Variants in SLC35F1 observed in about 807,000 individuals in gnomAD.
SLC35F1 encodes the protein solute carrier family 35 member F1.
A neutral mutation model predicts 48.7 loss-of-function variants in SLC35F1; 14 were observed. The observed-to-expected ratio is 0.29, with a 90% CI of 0.19 to 0.45. The LOEUF (loss-of-function observed/expected upper bound fraction) is 0.45. SLC35F1 is among the 20% of genes least tolerant of loss of function. The probability of loss-of-function intolerance (pLI) is 1.00; values close to 1 mark genes in which losing one functional copy is unlikely to be tolerated. For synonymous variants in SLC35F1, 190 were observed against 202.2 expected, an observed-to-expected ratio of 0.94 and a Z score of 0.51; for missense variants, 404 against 500.0, an observed-to-expected ratio of 0.81 and a Z score of 1.83.
intron 1 of SLC35F1, among the ~76,000 whole-genome samples, chr6:118,070,646 G>A (rs1024874769): frequency 6.6e-6 from 1 of 151,414 alleles, no homozygotes; most frequent in Non-Finnish European, 1.5e-5. Flanking sequence ...GTTTCTTCTT[G>A]TAGTTACCAG....
intron 1 of SLC35F1, among the ~76,000 whole-genome samples, chr6:118,068,808 A>G (rs187797224): frequency 2.0e-4 from 31 of 152,346 alleles, no homozygotes; most frequent in African/African-American, 7.0e-4. Context: ...GATTGCAGAC[A>G]TCACTTTTTC....
At chr6:118,152,735 A>G (rs1774081054) in intron 1 of SLC35F1, among the ~76,000 whole-genome samples, 3 of 152,172 alleles carry the variant, frequency 2.0e-5, no homozygotes, top group Non-Finnish European at 2.9e-5. Context: ...GCAAGTCACA[A>G]GACCAGCCCA....
chr6:118,183,291 T>C (rs1774609205), intron 2 of SLC35F1, among the ~76,000 whole-genome samples: 1 of 152,072 alleles, frequency 6.6e-6, no homozygotes, highest in Admixed American at 6.6e-5. Flanking sequence ...TAGAGGTGAG[T>C]TCCACCTGGA....
intron 2 of SLC35F1, among the ~76,000 whole-genome samples, chr6:118,200,220 G>A (rs1774856391): frequency 6.6e-6 from 1 of 151,892 alleles, no homozygotes; most frequent in Non-Finnish European, 1.5e-5. Flanking sequence ...AACCAGAGCT[G>A]GACAGTAGTT....
chr6:117,927,102 A>G (rs1463893244), intron 1 of SLC35F1, among the ~76,000 whole-genome samples: 1 of 152,202 alleles, frequency 6.6e-6, no homozygotes, highest in Non-Finnish European at 1.5e-5. Context: ...AAATTCAGTA[A>G]GAGTACCTAC....
At chr6:117,950,114 T>C (rs1342752215) in intron 1 of SLC35F1, among the ~76,000 whole-genome samples, 2 of 152,178 alleles carry the variant, frequency 1.3e-5, no homozygotes, top group African/African-American at 4.8e-5. Flanking sequence ...CTTTGGGGTG[T>C]TGTTTCTGGC....
intron 1 of SLC35F1, among the ~76,000 whole-genome samples, chr6:117,964,046 C>T (rs1427303248): frequency 6.6e-6 from 1 of 152,216 alleles, no homozygotes; most frequent in Non-Finnish European, 1.5e-5. Flanking sequence ...CATTGTTCAG[C>T]TCCCACTTAC....
intron 7 of SLC35F1, among the ~76,000 whole-genome samples, chr6:118,286,829 C>G (rs1204633173): frequency 1.8e-4 from 27 of 149,266 alleles, no homozygotes; most frequent in Admixed American, 1.8e-3. Context: ...GGTGAGAATA[C>G]TTAAGATCTA....
At chr6:118,057,362 C>A (rs1019443143) in intron 1 of SLC35F1, among the ~76,000 whole-genome samples, 1 of 152,056 alleles carries the variant, frequency 6.6e-6, no homozygotes, top group Non-Finnish European at 1.5e-5. Flanking sequence ...TCTGCCAATC[C>A]CAGTCCCAGA....
Position 117,907,770 on chromosome 6 carries a change from C to T in SLC35F1, c.44C>T (p.Ser15Leu), listed in dbSNP as rs949586549. 17 of 1,559,702 alleles carry T rather than the reference C, an allele frequency of 1.1e-5. No individual in the cohort carries two copies. The highest frequency in any genetic ancestry group is 1.5e-5 in the Non-Finnish European group (17 of 1,162,396). Reference protein sequence around the residue: ...EQPQQQLQPPSPAPPNHVVTT... With the variant: ...EQPQQQLQPPLPAPPNHVVTT... ...CCGCAGCAGCAGCTGCAGCCGCCGT[C>T]GCCAGCCCCGCCGAACCATGTGGTG... The change falls in exon 1 of 8, where the codon TCG becomes TTG. Residue 15 changes from serine (S) to leucine (L), a missense_variant. By Grantham distance (145) the Ser-to-Leu change is moderately radical. Coordinates refer to ENST00000360388, the MANE Select transcript of SLC35F1 (RefSeq NM_001029858.4).
At chr6:118,004,781 T>G (rs536591207) in intron 1 of SLC35F1, among the ~76,000 whole-genome samples, 1 of 152,114 alleles carries the variant, frequency 6.6e-6, no homozygotes, top group Non-Finnish European at 1.5e-5. Context: ...TGGGCTGGCC[T>G]CAAGTGATCC....
At chr6:118,007,630 T>C (rs963382887) in intron 1 of SLC35F1, among the ~76,000 whole-genome samples, 1 of 152,206 alleles carries the variant, frequency 6.6e-6, no homozygotes, top group East Asian at 1.9e-4. Context: ...ATATGCTCAT[T>C]ATTCTTTATC....
chr6:117,924,107 A>G (rs547310630), intron 1 of SLC35F1, among the ~76,000 whole-genome samples: 1 of 146,452 alleles, frequency 6.8e-6, no homozygotes, highest in South Asian at 2.2e-4. Flanking sequence ...GTACACATGC[A>G]TATGTATATA....
rs543514229 is a variant in SLC35F1 at position 118,248,997 on chromosome 6, G to C, written c.477+13361G>C. 3.9e-5 allele frequency among the ~76,000 whole-genome samples: 6 copies of C among 152,302 alleles called. No individual in the cohort carries two copies. In the East Asian group the frequency reaches 1.2e-3, roughly 29 times the overall value. The stretch of plus-strand genomic sequence containing the variant: ...ATCTCCCCTGCCCTTTACCATGCAC[G>C]CGAGGACACAGAGAAATGACTGCTG... On this transcript the variant is annotated intron_variant, in intron 3 of 7. Coordinates refer to ENST00000360388, the MANE Select transcript of SLC35F1 (RefSeq NM_001029858.4).
chr6:118,279,089 A>G (rs758178422), intron 6 of SLC35F1, among the ~76,000 whole-genome samples: 1 of 152,244 alleles, frequency 6.6e-6, no homozygotes, highest in Non-Finnish European at 1.5e-5. Context: ...TGGCCTCCAT[A>G]GCACAGTAGG....
intron 1 of SLC35F1, among the ~76,000 whole-genome samples, chr6:118,104,536 T>A (rs149087587): frequency 1.1e-3 from 169 of 152,364 alleles, no homozygotes; most frequent in African/African-American, 4.0e-3. Context: ...GTTTTATTAA[T>A]ATTATTCTTG....
intron 1 of SLC35F1, among the ~76,000 whole-genome samples, chr6:118,151,084 A>G (rs1027541873): frequency 2.1e-4 from 32 of 152,128 alleles, no homozygotes; most frequent in African/African-American, 6.8e-4. Flanking sequence ...CAACTATTCA[A>G]TCCATGAATG....
At chr6:118,194,608 G>C (rs1456051430) in intron 2 of SLC35F1, among the ~76,000 whole-genome samples, 3 of 152,140 alleles carry the variant, frequency 2.0e-5, no homozygotes, top group Non-Finnish European at 2.9e-5. Flanking sequence ...GACAAAGAAA[G>C]ACAAATTCAT....
At chr6:118,002,867 C>T (rs1436431240) in intron 1 of SLC35F1, among the ~76,000 whole-genome samples, 1 of 151,838 alleles carries the variant, frequency 6.6e-6, no homozygotes, top group Non-Finnish European at 1.5e-5. Flanking sequence ...AATTGACAAT[C>T]ATTCATAGAA....
Sources: gnomAD v4.1 joint callset for allele counts (sites outside exome capture counted in the v4.1 genomes callset) on GRCh38, gnomAD v4.1.1 for gene constraint, MANE v1.5 for transcripts, NCBI Gene and HGNC (gene_info 2026-07-23, HGNC 2026-07-21) for gene names.